The following BCL2L14 variants were observed in gnomAD, a reference collection of about 807,000 sequenced individuals.
The protein encoded by BCL2L14 is BCL2 like 14.
In BCL2L14, 27 loss-of-function variants were observed where a neutral mutation model predicts 35.3. The observed-to-expected ratio is 0.76, with a 90% CI of 0.56 to 1.05. The LOEUF (loss-of-function observed/expected upper bound fraction) is 1.05. BCL2L14 is among the 50% of genes least tolerant of loss of function. The pLI is 0.00. For missense variants in BCL2L14, 377 were observed against 382.6 expected, an observed-to-expected ratio of 0.99 and a Z score of 0.12; for synonymous variants, 139 against 145.9, an observed-to-expected ratio of 0.95 and a Z score of 0.34.
intron 2 of BCL2L14, among the ~76,000 whole-genome samples, chr12:12,081,190 G>A (rs887507862): frequency 2.6e-5 from 4 of 151,784 alleles, no homozygotes; most frequent in Admixed American, 2.0e-4. Flanking sequence ...CCATCACGTC[G>A]ATACTCTCAG....
chr12:12,078,335 G>A (rs4763776), intron 1 of BCL2L14, among the ~76,000 whole-genome samples: 20,495 of 152,110 alleles, frequency 0.13, 1,881 homozygotes, highest in East Asian at 0.27. Context: ...GAAGGGAAGG[G>A]TCAGGTCCCA....
intron 5 of BCL2L14, chr12:12,095,716 G>A (rs1269769066): frequency 6.1e-6 from 6 of 985,356 alleles, no homozygotes; most frequent in East Asian, 2.3e-4. Context: ...GATTGAGTCG[G>A]CTCTAGGCAT....
intron 1 of BCL2L14, chr12:12,078,198 C>A: frequency 5.8e-6 from 1 of 171,494 alleles, no homozygotes; most frequent in Admixed American, 6.0e-5. Context: ...AATAAAATAA[C>A]AGGATGCTTT....
intron 4 of BCL2L14, among the ~76,000 whole-genome samples, chr12:12,093,288 G>A (rs886203828): frequency 1.3e-5 from 2 of 152,054 alleles, no homozygotes; most frequent in South Asian, 2.1e-4. Context: ...AAAATGACTC[G>A]CATTTCCAAA....
chr12:12,052,064 G>GT (rs886838918), intron 2 of BCL2L14, among the ~76,000 whole-genome samples: 2 of 151,928 alleles, frequency 1.3e-5, no homozygotes, highest in African/African-American at 2.4e-5. Flanking sequence ...CTTTTTTGAG[G>GT]TTTTTTTCTT....
chr12:12,098,826 C>T (rs903248467), intron 5 of BCL2L14, 124 bp from the exon 6 acceptor site: 12 of 742,692 alleles, frequency 1.6e-5, no homozygotes, highest in Non-Finnish European at 2.9e-5. Context: ...AAACCCTCCC[C>T]CAAACTAACA....
chr12:12,080,477 G>A (rs952061461), intron 2 of BCL2L14, among the ~76,000 whole-genome samples: 5 of 151,906 alleles, frequency 3.3e-5, no homozygotes, highest in East Asian at 3.9e-4. Flanking sequence ...AAAATTAGCC[G>A]GGCATGGTGG....
intron 3 of BCL2L14, 109 bp from the exon 4 acceptor site, chr12:12,090,670 T>G: frequency 1.5e-6 from 1 of 678,092 alleles, no homozygotes; most frequent in Admixed American, 3.1e-5. Context: ...AGAATTAGCA[T>G]GCCTCTTCCT....
intron 4 of BCL2L14, among the ~76,000 whole-genome samples, chr12:12,092,012 G>A (rs572128288): frequency 1.4e-4 from 21 of 152,276 alleles, no homozygotes; most frequent in East Asian, 3.9e-4. Flanking sequence ...TTCCTGTCAC[G>A]GGAAGAATTG....
chr12:12,059,165 T>C (rs1948483579), intron 2 of BCL2L14, among the ~76,000 whole-genome samples: 1 of 152,198 alleles, frequency 6.6e-6, no homozygotes, highest in African/African-American at 2.4e-5. Context: ...CCTCTCTGAT[T>C]ATTCCCCCAC....
chr12:12,059,132 A>G (rs113048040), intron 2 of BCL2L14, among the ~76,000 whole-genome samples: 1,968 of 152,270 alleles, frequency 0.013, 34 homozygotes, highest in African/African-American at 0.037. Context: ...GCCTTCCCTT[A>G]GTGTTTAATC....
At chr12:12,053,244 G>T (rs1268101727) in intron 2 of BCL2L14, among the ~76,000 whole-genome samples, 2 of 152,132 alleles carry the variant, frequency 1.3e-5, no homozygotes, top group Non-Finnish European at 2.9e-5. Context: ...GCACAGAAAG[G>T]TTAAATAACT....
intron 2 of BCL2L14, among the ~76,000 whole-genome samples, chr12:12,060,094 A>C (rs1002718309): frequency 6.6e-6 from 1 of 151,086 alleles, no homozygotes; most frequent in Non-Finnish European, 1.5e-5. Flanking sequence ...CGCCAGGCCG[A>C]GCTAGGTCGC....
chr12:12,051,121 CAG>C (rs1276317972), intron 1 of BCL2L14, among the ~76,000 whole-genome samples: 2 of 152,134 alleles, frequency 1.3e-5, no homozygotes, highest in Admixed American at 1.3e-4. Context: ...GTAGGGGCAC[CAG>C]ACAGCAGTGA....
intron 5 of BCL2L14, among the ~76,000 whole-genome samples, chr12:12,098,473 T>G (rs1949361204): frequency 6.6e-6 from 1 of 152,150 alleles, no homozygotes; most frequent in Admixed American, 6.5e-5. Flanking sequence ...GGTGAATGAA[T>G]CGATCAAATG....
Position 12,079,731 on chromosome 12 carries a change from G to C in BCL2L14, c.426G>C (p.Glu142Asp). 2 of 1,611,196 alleles carry C rather than the reference G, an allele frequency of 1.2e-6. No individual in the cohort carries two copies. Among genetic ancestry groups the C allele is most frequent in the Non-Finnish European group, 1.7e-6 (2 of 1,178,204 alleles). Reference sequence around the variant, plus strand: ...TTTCTAACGTGGAGCAGTGCTTGGAGCATGAAGGTAGGCATCTGGGATTTC... The same window carrying C: ...TTTCTAACGTGGAGCAGTGCTTGGACCATGAAGGTAGGCATCTGGGATTTC... ...RCLSNVEQCL[E>D]HEAVDPKVIS... The change falls in exon 2 of 6, where the codon GAG becomes GAC. Residue 142 changes from glutamate (E) to aspartate (D), a missense_variant. Coordinates refer to ENST00000308721, the MANE Select transcript of BCL2L14 (RefSeq NM_138723.2).
At chr12:12,085,221 G>C (rs10845472) in intron 2 of BCL2L14, among the ~76,000 whole-genome samples, 39,886 of 152,118 alleles carry the variant, frequency 0.26, 5,471 homozygotes, top group Middle Eastern at 0.41. Flanking sequence ...CCTTCATGGA[G>C]CTTCTTAATG....
At chr12:12,097,249 G>A (rs968394083) in intron 5 of BCL2L14, among the ~76,000 whole-genome samples, 4 of 152,208 alleles carry the variant, frequency 2.6e-5, no homozygotes, top group African/African-American at 9.6e-5. Flanking sequence ...GTACATGAAT[G>A]TTCATAGCTT....
intron 2 of BCL2L14, among the ~76,000 whole-genome samples, chr12:12,085,769 T>A (rs1432662574): frequency 1.3e-5 from 2 of 152,098 alleles, no homozygotes; most frequent in Non-Finnish European, 2.9e-5. Flanking sequence ...CAGCTGCATA[T>A]GATGTCAAAA....
Sources: gnomAD v4.1 joint callset for allele counts (sites outside exome capture counted in the v4.1 genomes callset) on GRCh38, gnomAD v4.1.1 for gene constraint, MANE v1.5 for transcripts, NCBI Gene and HGNC (gene_info 2026-07-23, HGNC 2026-07-21) for gene names.